The following GMPR variants were observed in gnomAD, a reference collection of about 807,000 sequenced individuals.
The protein encoded by GMPR is GMP reductase 1.
Under a neutral mutation model 38.4 loss-of-function variants are expected in GMPR, and 31 were observed. The observed-to-expected ratio is 0.81, with a 90% CI of 0.61 to 1.09. GMPR has a LOEUF of 1.09. Ranked by LOEUF, GMPR falls within the 50% of genes least tolerant of loss-of-function variation. The pLI is 0.00. For missense variants in GMPR, 468 were observed against 453.7 expected (o/e 1.03, Z -0.29); for synonymous variants, 162 against 173.3 (o/e 0.93, Z 0.51).
In GMPR at chr6:16,295,361, G is replaced by A. The variant is rs986228149; in HGVS notation, c.*175G>A. The A allele has an allele frequency of 8.3e-6, 4 of 482,448 alleles. No homozygotes were observed. The highest frequency in any genetic ancestry group is 1.1e-5 in the Non-Finnish European group (3 of 285,610). 29.9% of individuals were successfully genotyped at this position (482,448 alleles called of 1,614,324 possible). On this transcript the variant is annotated 3_prime_UTR_variant, in exon 9 of 9. Transcript: ENST00000259727. ...TCGGGGCTCTCCCGCCTGCCTTCTC[G>A]GGGCCCAGACGCAAGGCACCGATTG...
chr6:16,254,903 T>C (rs1758945868), intron 4 of GMPR, among the ~76,000 whole-genome samples, 168 bp downstream of exon 4: 1 of 152,180 alleles, frequency 6.6e-6, no homozygotes, highest in Admixed American at 6.5e-5. Flanking sequence ...CTGCGGAAGA[T>C]CTGAAAACTA....
rs191744219 is a variant in GMPR, at chr6:16,287,457, C to A, written c.697+1622C>A. Among the ~76,000 whole-genome samples the A allele has an allele frequency of 1.4e-3, 219 of 152,316 alleles. 3 individuals carry two copies. The highest frequency in any genetic ancestry group is 0.013 in the Admixed American group (201 of 15,306). On this transcript the variant is annotated intron_variant, in intron 7 of 8. Coordinates refer to ENST00000259727, the MANE Select transcript of GMPR (RefSeq NM_006877.4). ...AGCTCAGTCTCCTTTGGGTGCCATT[C>A]CCTCCTCCACTGTCTCTCAGTCAGT...
In GMPR at chr6:16,280,139, G is replaced by A. The variant is rs568521613; in HGVS notation, c.654+1249G>A. On this transcript the variant is annotated intron_variant, in intron 6 of 8. Coordinates refer to ENST00000259727, the MANE Select transcript of GMPR (RefSeq NM_006877.4). ...AAGGAAGAGGTTCGGGGCTGGTGTGGTGATCACTATGGCACGTGTCTGTTG... is the reference window on the plus strand; with the variant it reads ...AAGGAAGAGGTTCGGGGCTGGTGTGATGATCACTATGGCACGTGTCTGTTG... Among the ~76,000 whole-genome samples, 9 of 152,258 alleles carry A rather than the reference G, an allele frequency of 5.9e-5. No homozygotes were observed. In the South Asian group the frequency reaches 1.7e-3, roughly 28 times the overall value.
Position 16,256,262 on chromosome 6 carries a change from T to A in GMPR, c.465+1527T>A, listed in dbSNP as rs1430913756. ...CGGGTGCAGTGGCTAATGCCTGTAA[T>A]CCCAGCACTTTGGGAGGCCGAGGTG... On this transcript the variant is annotated intron_variant, in intron 4 of 8. Coordinates refer to ENST00000259727, the MANE Select transcript of GMPR (RefSeq NM_006877.4). Among the ~76,000 whole-genome samples the A allele has an allele frequency of 1.8e-4, 26 of 144,836 alleles. No individual in the cohort carries two copies. In the East Asian group the frequency reaches 5.0e-3, roughly 28 times the overall value.
chr6:16,239,057 G>A (rs1758594021), intron 1 of GMPR, among the ~76,000 whole-genome samples: 1 of 152,194 alleles, frequency 6.6e-6, no homozygotes, highest in Admixed American at 6.5e-5. Flanking sequence ...GCGAGATCCA[G>A]TGGCCAGTTG....
At chr6:16,294,857 A>G in intron 8 of GMPR, 149 bp from the exon 9 acceptor site, 1 of 642,890 alleles carries the variant, frequency 1.6e-6, no homozygotes, top group Non-Finnish European at 2.7e-6. Flanking sequence ...GGCACTTGGT[A>G]GAAATGTGGG....
Position 16,238,843 on chromosome 6 carries a change from T to G in GMPR, c.87+63T>G, listed in dbSNP as rs1581642209. 4 of 865,888 alleles carry G rather than the reference T, an allele frequency of 4.6e-6. No individual in the cohort carries two copies. In the South Asian group the frequency reaches 8.2e-5, roughly 18 times the overall value. The allele number at this position is 865,888 out of a possible 1,614,324, so 53.6% of individuals were successfully genotyped here. A position where few individuals can be genotyped will look rare whatever the true frequency, so the allele number is the denominator to read the frequency against. ...TTTTTTCCGGGTGGCGCGGGGCAAGTGGGTGGAAGGGGGTGGCACCGGGTT... is the reference window on the plus strand; with the variant it reads ...TTTTTTCCGGGTGGCGCGGGGCAAGGGGGTGGAAGGGGGTGGCACCGGGTT... On this transcript the variant is annotated intron_variant, in intron 1 of 8. Transcript: ENST00000259727.
intron 5 of GMPR, among the ~76,000 whole-genome samples, chr6:16,277,041 G>A (rs1262308054): frequency 6.6e-6 from 1 of 152,200 alleles, no homozygotes; most frequent in Non-Finnish European, 1.5e-5. Flanking sequence ...CCCGGATCTA[G>A]CAATTCAATG....
chr6:16,266,050 A>C (rs921266433), intron 4 of GMPR, among the ~76,000 whole-genome samples: 4 of 152,052 alleles, frequency 2.6e-5, no homozygotes, highest in African/African-American at 9.7e-5. Context: ...GAGACCACGA[A>C]CCCAGTGGGA....
rs1377355083 is a variant in GMPR, at chr6:16,290,506, C to T, written c.742C>T (p.His248Tyr). The T allele has an allele frequency of 1.2e-6, 2 of 1,613,856 alleles. No individual in the cohort carries two copies. Among genetic ancestry groups the T allele is most frequent in the African/African-American group, 2.7e-5 (2 of 74,906 alleles). The change falls in exon 8 of 9, where the codon CAT (histidine) becomes TAT (tyrosine). Residue 248 changes from histidine to tyrosine, a missense_variant. Physicochemically the swap from His to Tyr is moderately conservative, Grantham distance 83. Transcript: ENST00000259727. ...FVMLGGMFSG[H>Y]TECAGEVFER... ...CATGCTGGGAGGAATGTTTTCGGGT[C>T]ATACGGAGTGTGCTGGAGAAGTGTT...
At chr6:16,284,284 G>C (rs1759629197) in intron 6 of GMPR, among the ~76,000 whole-genome samples, 1 of 152,232 alleles carries the variant, frequency 6.6e-6, no homozygotes. Context: ...CTCACTGGTA[G>C]ATAGAGAAAG....
At chr6:16,285,030 AAAC>A (rs1252476993) in intron 6 of GMPR, among the ~76,000 whole-genome samples, 10,184 of 121,214 alleles carry the variant, frequency 0.084, 638 homozygotes, top group South Asian at 0.12. Context: ...AAAAAAAAAA[AAAC>A]AAAAAAAAAA....
chr6:16,286,349 A>T (rs578030530), intron 7 of GMPR, among the ~76,000 whole-genome samples: 4 of 151,928 alleles, frequency 2.6e-5, no homozygotes, highest in Non-Finnish European at 4.4e-5. Flanking sequence ...TCTGGAAAGC[A>T]CTAGACGCTC....
rs553485346 is a variant in GMPR at position 16,268,872 on chromosome 6, A to G, written c.466-5543A>G. 2.0e-5 allele frequency among the ~76,000 whole-genome samples: 3 copies of G among 151,782 alleles called. No individual in the cohort carries two copies. In the South Asian group the frequency reaches 6.2e-4, roughly 31 times the overall value. ...AAAAACTTATTTACTAACAAATTTT[A>G]TATTACATAAATTTAAAATAAATAT... is the stretch of plus-strand genomic sequence containing the variant. On this transcript the variant is annotated intron_variant, in intron 4 of 8. Transcript: ENST00000259727.
chr6:16,251,552 G>A (rs1399602660), intron 3 of GMPR, among the ~76,000 whole-genome samples: 4 of 152,174 alleles, frequency 2.6e-5, no homozygotes, highest in African/African-American at 9.7e-5. Context: ...CCTGGGCAAC[G>A]AGAGCGAAAC....
chr6:16,271,939 G>A (rs1362375560), intron 4 of GMPR, among the ~76,000 whole-genome samples: 3 of 152,044 alleles, frequency 2.0e-5, no homozygotes, highest in Middle Eastern at 3.2e-3. Context: ...GGCTGGGTGC[G>A]GTGCCTCACA....
At chr6:16,249,660 C>G (rs1758829421) in intron 2 of GMPR, among the ~76,000 whole-genome samples, 1 of 152,146 alleles carries the variant, frequency 6.6e-6, no homozygotes, top group South Asian at 2.1e-4. Context: ...GCCCACGAAG[C>G]TAATAATGCT....
chr6:16,266,659 AAATT>A (rs1202019696), intron 4 of GMPR, among the ~76,000 whole-genome samples: 2 of 151,648 alleles, frequency 1.3e-5, no homozygotes, highest in Non-Finnish European at 2.9e-5. Flanking sequence ...AAAAAAGAAA[AAATT>A]AGCCGGGCGC....
Position 16,271,797 on chromosome 6 carries a change from T to C in GMPR, c.466-2618T>C, listed in dbSNP as rs182049961. On this transcript the variant is annotated intron_variant, in intron 4 of 8. Transcript: ENST00000259727. ...ATCATCTCTTCACCTAGACATCATC[T>C]GTTAGCATTTTGGTGTATTTTTTCA... Among the ~76,000 whole-genome samples the C allele has an allele frequency of 2.8e-3, 433 of 152,388 alleles. 2 individuals carry two copies. The highest frequency in any genetic ancestry group is 0.01 in the African/African-American group (420 of 41,594).
Sources: allele counts gnomAD v4.1 joint callset (sites outside exome capture counted in the v4.1 genomes callset), GRCh38; gene constraint gnomAD v4.1.1; transcripts MANE v1.5; gene names NCBI Gene and HGNC (gene_info 2026-07-23, HGNC 2026-07-21).